Variants in ADGB observed in about 807,000 individuals in gnomAD.
The protein encoded by ADGB is calpain-7-like protein.
ADGB carries 172 observed loss-of-function variants against 210.5 expected under a neutral mutation model. The ratio of observed to expected loss-of-function variants is 0.82; its 90% CI spans 0.72 to 0.93. The LOEUF (loss-of-function observed/expected upper bound fraction) is 0.93. ADGB is among the 40% of genes least tolerant of loss of function. ADGB has a pLI of 0.00. For synonymous variants in ADGB, 658 were observed against 662.7 expected (o/e 0.99, Z 0.11); for missense variants, 2,025 against 1,964.8 (o/e 1.03, Z -0.58).
intron 28 of ADGB, among the ~76,000 whole-genome samples, chr6:146,767,614 AC>A (rs1427151520): frequency 2.0e-5 from 3 of 152,090 alleles, no homozygotes; most frequent in African/African-American, 7.2e-5. Flanking sequence ...GATTATAGGC[AC>A]ATGCCCCCAC....
At chr6:146,690,107 T>C (rs1275313840) in intron 10 of ADGB, among the ~76,000 whole-genome samples, 1 of 152,154 alleles carries the variant, frequency 6.6e-6, no homozygotes, top group African/African-American at 2.4e-5. Flanking sequence ...ATCCTGATCT[T>C]GGGAAGGACT....
At chr6:146,799,744 G>A (rs1778097989) in intron 33 of ADGB, among the ~76,000 whole-genome samples, 1 of 151,876 alleles carries the variant, frequency 6.6e-6, no homozygotes, top group African/African-American at 2.4e-5. Flanking sequence ...GGGGGATATG[G>A]GATATCTCTG....
chr6:146,731,496 T>C (rs1038802705), intron 20 of ADGB, among the ~76,000 whole-genome samples: 2 of 152,148 alleles, frequency 1.3e-5, no homozygotes, highest in Non-Finnish European at 2.9e-5. Flanking sequence ...TGGTGAGTGA[T>C]CCAGACTCTC....
At chr6:146,688,259 G>T (rs553268471) in intron 10 of ADGB, among the ~76,000 whole-genome samples, 1 of 151,938 alleles carries the variant, frequency 6.6e-6, no homozygotes, top group East Asian at 1.9e-4. Flanking sequence ...TGTTGGAGGA[G>T]TAACCAAGTG....
At chr6:146,797,978 A>AAAC (rs200521729) in intron 33 of ADGB, among the ~76,000 whole-genome samples, 15,172 of 151,292 alleles carry the variant, frequency 0.1, 1,308 homozygotes, top group African/African-American at 0.24. Context: ...TGAAAAAAAA[A>AAAC]AAGTTGGATA....
intron 9 of ADGB, 117 bp downstream of exon 9, chr6:146,676,558 G>C: frequency 9.7e-7 from 1 of 1,031,454 alleles, no homozygotes. Flanking sequence ...ACTTAGTCAA[G>C]GTTGCCATAA....
At chr6:146,737,794 A>G (rs535040701) in intron 23 of ADGB, among the ~76,000 whole-genome samples, 5 of 152,310 alleles carry the variant, frequency 3.3e-5, no homozygotes, top group Non-Finnish European at 7.3e-5. Flanking sequence ...TACACCAGGG[A>G]GGTGTAACAC....
chr6:146,653,518 T>C (rs909398505), intron 3 of ADGB, among the ~76,000 whole-genome samples: 1 of 152,124 alleles, frequency 6.6e-6, no homozygotes, highest in Non-Finnish European at 1.5e-5. Context: ...TGTTCTCACT[T>C]ATAAGTGGGA....
intron 29 of ADGB, among the ~76,000 whole-genome samples, chr6:146,775,260 T>G (rs1383768121): frequency 3.3e-5 from 5 of 152,040 alleles, no homozygotes; most frequent in Non-Finnish European, 5.9e-5. Context: ...ATTTGTGGGG[T>G]TTTTTTCAAA....
chr6:146,635,706 C>T (rs1775409811), intron 2 of ADGB, among the ~76,000 whole-genome samples, 169 bp downstream of exon 2: 1 of 151,850 alleles, frequency 6.6e-6, no homozygotes, highest in Non-Finnish European at 1.5e-5. Flanking sequence ...TTTGTCTTTC[C>T]AAGCCTTAGT....
chr6:146,788,202 C>G (rs1411921111), intron 32 of ADGB, among the ~76,000 whole-genome samples, 187 bp from the exon 33 acceptor site: 1 of 152,156 alleles, frequency 6.6e-6, no homozygotes, highest in African/African-American at 2.4e-5. Flanking sequence ...AGCTTTCAGA[C>G]ACACTTCCTG....
chr6:146,600,640 C>T (rs528546734), intron 1 of ADGB, among the ~76,000 whole-genome samples: 128 of 152,138 alleles, frequency 8.4e-4, no homozygotes, highest in Non-Finnish European at 1.6e-3. Flanking sequence ...CCCTGTCTTC[C>T]TTCACTGTTT....
chr6:146,713,306 T>C (rs2114560553), intron 13 of ADGB, among the ~76,000 whole-genome samples: 1 of 152,348 alleles, frequency 6.6e-6, no homozygotes, highest in South Asian at 2.1e-4. Context: ...TGGTAATCAT[T>C]TGAGGAACCA....
At chr6:146,639,429 G>A (rs10457802) in intron 2 of ADGB, among the ~76,000 whole-genome samples, 44,402 of 151,850 alleles carry the variant, frequency 0.29, 7,484 homozygotes, top group Admixed American at 0.4. Context: ...ATACTGAATG[G>A]CAAGACCTGG....
intron 2 of ADGB, among the ~76,000 whole-genome samples, chr6:146,641,625 G>A (rs1775516755): frequency 6.6e-6 from 1 of 151,828 alleles, no homozygotes; most frequent in Non-Finnish European, 1.5e-5. Context: ...TCTGATCTTT[G>A]ACAAAGCTGA....
At chr6:146,782,274 C>T in intron 30 of ADGB, 82 bp downstream of exon 30, 1 of 1,301,882 alleles carries the variant, frequency 7.7e-7, no homozygotes, top group Non-Finnish European at 1.0e-6. Context: ...CGTCTGAGGA[C>T]AAAACCGTGA....
intron 12 of ADGB, among the ~76,000 whole-genome samples, chr6:146,693,647 A>T (rs1245853697): frequency 6.6e-6 from 1 of 152,182 alleles, no homozygotes; most frequent in African/African-American, 2.4e-5. Flanking sequence ...TTCTCTTTCA[A>T]ATAGGCTTTC....
chr6:146,735,310 G>A (rs1777062573), intron 22 of ADGB, among the ~76,000 whole-genome samples: 1 of 152,100 alleles, frequency 6.6e-6, no homozygotes, highest in African/African-American at 2.4e-5. Flanking sequence ...TCTGAAGGCT[G>A]GAAAATCCAA....
At chr6:146,643,998 A>T (rs1317492564) in intron 2 of ADGB, among the ~76,000 whole-genome samples, 1 of 151,938 alleles carries the variant, frequency 6.6e-6, no homozygotes, top group Non-Finnish European at 1.5e-5. Context: ...AAATGACAAA[A>T]TTATAGAAAT....
Sources: gnomAD v4.1 joint callset for allele counts (sites outside exome capture counted in the v4.1 genomes callset) on GRCh38, gnomAD v4.1.1 for gene constraint, MANE v1.5 for transcripts, NCBI Gene and HGNC (gene_info 2026-07-23, HGNC 2026-07-21) for gene names.